Variants in KIF13A observed in about 807,000 individuals in gnomAD.
KIF13A encodes the protein kinesin-like protein KIF13A.
In KIF13A, 79 loss-of-function variants were observed where a neutral mutation model predicts 212.2. The ratio of observed to expected loss-of-function variants is 0.37; its 90% CI spans 0.31 to 0.45. The LOEUF (loss-of-function observed/expected upper bound fraction) is 0.45, where lower values mean the gene tolerates loss of function less well. Among genes scored for constraint, KIF13A ranks in the 20% least tolerant of loss-of-function variants. KIF13A has a pLI of 1.00. For missense variants in KIF13A, 1,901 were observed against 2,209.0 expected (o/e 0.86, Z 2.79); for synonymous variants, 789 against 808.6 (o/e 0.98, Z 0.41).
At chr6:17,821,178 G>C (rs1764400050) in intron 16 of KIF13A, among the ~76,000 whole-genome samples, 2 of 152,100 alleles carry the variant, frequency 1.3e-5, no homozygotes, top group Admixed American at 1.3e-4. Context: ...ACTTTCTTTA[G>C]AGCTGCCATT....
chr6:17,902,668 C>G (rs1235549389), intron 2 of KIF13A, among the ~76,000 whole-genome samples: 1 of 152,202 alleles, frequency 6.6e-6, no homozygotes, highest in Non-Finnish European at 1.5e-5. Context: ...TCCTCACCAG[C>G]CTTGAAGACT....
At chr6:17,819,720 A>G (rs956822165) in intron 16 of KIF13A, among the ~76,000 whole-genome samples, 1 of 152,198 alleles carries the variant, frequency 6.6e-6, no homozygotes, top group African/African-American at 2.4e-5. Context: ...AAACTCCTAT[A>G]ACTTCTAAAA....
chr6:17,781,251 C>T lies in KIF13A; in HGVS notation c.3595G>A (p.Val1199Met), dbSNP rs374802927. Reference protein sequence around the residue: ...EQLVGPHASGVNSILPKEHGS... With the variant: ...EQLVGPHASGMNSILPKEHGS... ...TGCTCCTTGGGCAGGATGGAGTTCA[C>T]GCCGGATGCATGGGGGCCAACAAGC... Residue 1199 changes from valine (V) to methionine (M), a missense_variant, in exon 30 of 39, where the codon GTG (valine) becomes ATG (methionine). By Grantham distance (21) the Val-to-Met change is conservative. This residue lies in a region of KIF13A where 687 missense variants were observed against 759.1 expected (regional missense o/e 0.90). Coordinates refer to ENST00000259711, the MANE Select transcript of KIF13A (RefSeq NM_022113.6). 1.1e-4 allele frequency: 183 copies of T among 1,613,434 alleles called. No homozygotes were observed. Among genetic ancestry groups the T allele is most frequent in the Non-Finnish European group, 1.5e-4 (175 of 1,179,702 alleles).
chr6:17,879,919 TCTCAAGACTTATTC>T (rs1770904896), intron 3 of KIF13A, among the ~76,000 whole-genome samples: 1 of 152,228 alleles, frequency 6.6e-6, no homozygotes, highest in African/African-American at 2.4e-5. Context: ...AAAACCAATT[TCTCAAGACTTATTC>T]CTTGGAAACT....
intron 18 of KIF13A, among the ~76,000 whole-genome samples, chr6:17,807,720 C>G (rs1763086835): frequency 6.9e-6 from 1 of 144,814 alleles, no homozygotes. Flanking sequence ...ACCTCCTCCC[C>G]TTTTGAAACC....
chr6:17,904,474 AAAAAAGAAAAG>A (rs1376515018), intron 2 of KIF13A, among the ~76,000 whole-genome samples: 3 of 152,224 alleles, frequency 2.0e-5, no homozygotes, highest in African/African-American at 7.2e-5. Flanking sequence ...ACTTAAAAAT[AAAAAAGAAAAG>A]AAAAAGAAAA....
At chr6:17,884,778 G>T (rs1369611034) in intron 3 of KIF13A, among the ~76,000 whole-genome samples, 1 of 152,160 alleles carries the variant, frequency 6.6e-6, no homozygotes, top group Non-Finnish European at 1.5e-5. Context: ...GTTCACATCT[G>T]CAGACCCAGC....
intron 2 of KIF13A, among the ~76,000 whole-genome samples, chr6:17,923,427 A>G (rs1266511725): frequency 2.0e-5 from 3 of 152,082 alleles, no homozygotes; most frequent in African/African-American, 7.2e-5. Flanking sequence ...GGGAAGGTCA[A>G]GAATGCCCCC....
In KIF13A at chr6:17,939,040, C is replaced by A. The variant is rs189997420; in HGVS notation, c.147-40860G>T. Among the ~76,000 whole-genome samples the A allele has an allele frequency of 3.0e-3, 462 of 152,248 alleles. 2 individuals carry two copies. Among genetic ancestry groups the A allele is most frequent in the Non-Finnish European group, 3.0e-3 (202 of 68,024 alleles). On this transcript the variant is annotated intron_variant, in intron 2 of 38. Transcript: ENST00000259711. ...TTATGTAAGCAAATTGGCACAAATT[C>A]CTTCAAGACCTCCATTATTTTCTCC...
At chr6:17,814,498 C>T (rs535874768) in intron 17 of KIF13A, among the ~76,000 whole-genome samples, 1,688 of 149,300 alleles carry the variant, frequency 0.011, 16 homozygotes, top group Non-Finnish European at 0.019. Flanking sequence ...CCACCCGCCT[C>T]GGCCTCCCAA....
intron 2 of KIF13A, among the ~76,000 whole-genome samples, chr6:17,932,481 T>C (rs1776069378): frequency 6.6e-6 from 1 of 152,238 alleles, no homozygotes; most frequent in Non-Finnish European, 1.5e-5. Flanking sequence ...CTTTTAGATC[T>C]TCTTTCTAAA....
At position 17,855,206 on chromosome 6, in the gene KIF13A, T is replaced by C. The variant is rs76220409; in HGVS notation, c.494+231A>G. Among the ~76,000 whole-genome samples the C allele has an allele frequency of 0.025, 3,848 of 152,242 alleles. 70 individuals carry two copies. Among genetic ancestry groups the C allele is most frequent in the Non-Finnish European group, 0.04 (2,710 of 67,990 alleles). On this transcript the variant is annotated intron_variant, in intron 6 of 38. Transcript: ENST00000259711. The surrounding 1 kb of genome is among the most constrained non-coding windows in gnomAD (Gnocchi z 4.1). ...TCATGGTGGCAAAAAAAAATACCAA[T>C]AGTAAAAACATCTTTTCAAAGGGCA... is the stretch of plus-strand genomic sequence containing the variant.
At chr6:17,831,611 T>G (rs1253323914) in intron 12 of KIF13A, among the ~76,000 whole-genome samples, 1 of 150,854 alleles carries the variant, frequency 6.6e-6, no homozygotes, top group Non-Finnish European at 1.5e-5. Context: ...AGAGGATATA[T>G]TTGAGATAGT....
intron 2 of KIF13A, among the ~76,000 whole-genome samples, chr6:17,937,739 C>CTT (rs1487188222): frequency 0.013 from 1,639 of 128,424 alleles, 26 homozygotes; most frequent in African/African-American, 0.038. Flanking sequence ...AATTTCTTTC[C>CTT]TTTTTTGTTT....
intron 2 of KIF13A, among the ~76,000 whole-genome samples, chr6:17,937,788 CG>C (rs1776606057): frequency 6.8e-6 from 1 of 146,640 alleles, no homozygotes. Context: ...CTCGCTCTGT[CG>C]ACCAGGCTGG....
chr6:17,913,347 A>C (rs1419243150), intron 2 of KIF13A, among the ~76,000 whole-genome samples: 1 of 152,102 alleles, frequency 6.6e-6, no homozygotes, highest in Non-Finnish European at 1.5e-5. Context: ...GGCACTCAAT[A>C]ATTAGTTGAG....
Position 17,778,933 on chromosome 6 carries a change from A to G in KIF13A, c.4092+14T>C. On this transcript the variant is annotated intron_variant, in intron 33 of 38. Transcript: ENST00000259711. Reference sequence around the variant, plus strand: ...TGGTGCTTTCATCCTCGGTCCAGATATTCAGTTACTTGCCTGCCGGAGCCG... The same window carrying G: ...TGGTGCTTTCATCCTCGGTCCAGATGTTCAGTTACTTGCCTGCCGGAGCCG... 6.4e-7 allele frequency: 1 copy of G among 1,565,282 alleles called. No individual in the cohort carries two copies. The highest frequency in any genetic ancestry group is 8.7e-7 in the Non-Finnish European group (1 of 1,154,410).
rs1389976019 is a variant in KIF13A, at chr6:17,898,736, T to C, written c.147-556A>G. Among the ~76,000 whole-genome samples, 1 of 152,160 alleles carries C rather than the reference T, an allele frequency of 6.6e-6. No individual in the cohort carries two copies. Among genetic ancestry groups the C allele is most frequent in the East Asian group, 1.9e-4 (1 of 5,202 alleles). On this transcript the variant is annotated intron_variant, in intron 2 of 38. Coordinates refer to ENST00000259711, the MANE Select transcript of KIF13A (RefSeq NM_022113.6). This position sits in a 1 kb window ranked among gnomAD's most constrained non-coding sequence, Gnocchi z 5.2. ...GCAAGTTTCCATTTTTTCCCCACCA[T>C]CAGCCACACACGCACTTGTTAAAAC...
At chr6:17,937,790 A>G (rs1385304240) in intron 2 of KIF13A, among the ~76,000 whole-genome samples, 2 of 147,808 alleles carry the variant, frequency 1.4e-5, no homozygotes, top group South Asian at 2.1e-4. Flanking sequence ...CGCTCTGTCG[A>G]CCAGGCTGGA....
Sources: gnomAD v4.1 joint callset for allele counts (sites outside exome capture counted in the v4.1 genomes callset) on GRCh38, gnomAD v4.1.1 for gene constraint, gnomAD v4.1.1 regional missense constraint, Gnocchi (gnomAD v3.1) non-coding constraint, MANE v1.5 for transcripts, NCBI Gene and HGNC (gene_info 2026-07-23, HGNC 2026-07-21) for gene names.